The following FNDC3A variants were observed in gnomAD, a reference collection of about 807,000 sequenced individuals.
The protein encoded by FNDC3A is fibronectin type III domain containing 3A.
FNDC3A carries 32 observed loss-of-function variants against 148.9 expected under a neutral mutation model. The ratio of observed to expected loss-of-function variants is 0.21; its 90% confidence interval spans 0.16 to 0.29. The LOEUF is 0.29. FNDC3A is among the 10% of genes least tolerant of loss of function. The pLI, the probability that FNDC3A is intolerant of heterozygous loss-of-function variation, is 1.00. For missense variants in FNDC3A, 1,191 were observed against 1,452.8 expected (o/e 0.82, Z 2.93); for synonymous variants, 472 against 473.6 (o/e 1.00, Z 0.04).
At chr13:49,047,758 G>A (rs1250471380) in intron 2 of FNDC3A, among the ~76,000 whole-genome samples, 1 of 152,012 alleles carries the variant, frequency 6.6e-6, no homozygotes, top group Non-Finnish European at 1.5e-5. Context: ...CTAACTCTGT[G>A]GATTATTTCT....
intron 3 of FNDC3A, among the ~76,000 whole-genome samples, chr13:49,089,575 G>A (rs1406512648): frequency 6.6e-6 from 1 of 152,198 alleles, no homozygotes; most frequent in Non-Finnish European, 1.5e-5. Context: ...AGATGGAAAG[G>A]GCCACATGGC....
At chr13:49,093,052 A>G (rs1251251089) in intron 3 of FNDC3A, among the ~76,000 whole-genome samples, 1 of 152,162 alleles carries the variant, frequency 6.6e-6, no homozygotes, top group Non-Finnish European at 1.5e-5. Flanking sequence ...TTGATTTCTA[A>G]AGAATAATTT....
chr13:49,124,693 G>A (rs1333789147), intron 4 of FNDC3A, among the ~76,000 whole-genome samples: 1 of 152,122 alleles, frequency 6.6e-6, no homozygotes, highest in Non-Finnish European at 1.5e-5. Flanking sequence ...AGAAATTGGT[G>A]TACTGCACAG....
chr13:49,066,192 G>C (rs1334777235), intron 2 of FNDC3A, among the ~76,000 whole-genome samples: 1 of 152,074 alleles, frequency 6.6e-6, no homozygotes, highest in Non-Finnish European at 1.5e-5. Context: ...CTGTATTCCT[G>C]TATTCGTTTT....
chr13:49,064,336 G>A (rs185465954), intron 2 of FNDC3A, among the ~76,000 whole-genome samples: 96 of 149,738 alleles, frequency 6.4e-4, no homozygotes, highest in East Asian at 4.4e-3. Flanking sequence ...GCAAGACTCC[G>A]TCTCAAAAAA....
chr13:49,190,164 G>T (rs1365889756), intron 17 of FNDC3A, among the ~76,000 whole-genome samples: 1 of 152,168 alleles, frequency 6.6e-6, no homozygotes. Flanking sequence ...GGGATTACAG[G>T]TGTGAGCCAC....
At chr13:49,075,095 A>G (rs1275495835) in intron 2 of FNDC3A, among the ~76,000 whole-genome samples, 194 bp from the exon 3 acceptor site, 1 of 151,628 alleles carries the variant, frequency 6.6e-6, no homozygotes, top group African/African-American at 2.4e-5. Flanking sequence ...TATTCCCTTT[A>G]CTTTTGGCTT....
intron 8 of FNDC3A, among the ~76,000 whole-genome samples, chr13:49,166,176 T>C (rs1282411354): frequency 6.6e-6 from 1 of 152,232 alleles, no homozygotes; most frequent in African/African-American, 2.4e-5. Flanking sequence ...AACAGCTATA[T>C]GCAGGCTGCT....
intron 2 of FNDC3A, among the ~76,000 whole-genome samples, chr13:49,062,405 T>C (rs1295092663): frequency 6.6e-6 from 1 of 152,228 alleles, no homozygotes; most frequent in Non-Finnish European, 1.5e-5. Flanking sequence ...TTGAACTCTT[T>C]AGCCTACTAG....
intron 3 of FNDC3A, among the ~76,000 whole-genome samples, chr13:49,079,713 A>G (rs1467557504): frequency 6.6e-6 from 1 of 151,974 alleles, no homozygotes. Flanking sequence ...TTTCAAATAC[A>G]CTCCTGAGCT....
intron 5 of FNDC3A, among the ~76,000 whole-genome samples, chr13:49,135,203 A>G (rs1246419315): frequency 6.6e-6 from 1 of 151,748 alleles, no homozygotes. Flanking sequence ...TTCTTCACCC[A>G]TTTTTTAAAT....
At position 49,209,057 on chromosome 13, in the gene FNDC3A, T is replaced by A. The variant is rs1886779543; in HGVS notation, c.*1662T>A. 1 of 152,668 alleles carries A rather than the reference T, an allele frequency of 6.6e-6. No homozygotes were observed. The highest frequency in any genetic ancestry group is 1.5e-5 in the Non-Finnish European group (1 of 68,038). 9.5% of individuals were successfully genotyped at this position (152,668 alleles called of 1,614,324 possible). On this transcript the variant is annotated 3_prime_UTR_variant, in exon 26 of 26. Transcript: ENST00000492622. The stretch of plus-strand genomic sequence containing the variant: ...TGACCTGTCACTATAATATACTGTA[T>A]GTTTACATTTTATTTAAATTTAATC...
intron 2 of FNDC3A, among the ~76,000 whole-genome samples, chr13:49,048,065 C>T (rs1875550094): frequency 6.6e-6 from 1 of 152,096 alleles, no homozygotes; most frequent in East Asian, 1.9e-4. Context: ...CATTTCCCCA[C>T]TTTACATTTT....
chr13:49,123,759 T>C (rs1359079013), intron 4 of FNDC3A, among the ~76,000 whole-genome samples: 4 of 151,912 alleles, frequency 2.6e-5, no homozygotes, highest in Admixed American at 2.6e-4. Context: ...AGCTTATCAT[T>C]GGTCATTAGA....
intron 2 of FNDC3A, among the ~76,000 whole-genome samples, chr13:49,070,039 T>C (rs1566230012): frequency 6.6e-6 from 1 of 152,104 alleles, no homozygotes; most frequent in African/African-American, 2.4e-5. Context: ...CTAGGAAAAA[T>C]AGGAACTAGT....
At chr13:49,190,884 T>C in intron 17 of FNDC3A, 131 bp from the exon 18 acceptor site, 1 of 618,930 alleles carries the variant, frequency 1.6e-6, no homozygotes, top group Non-Finnish European at 2.8e-6. Context: ...TATTCCTTTT[T>C]TGTTGACAAT....
intron 3 of FNDC3A, among the ~76,000 whole-genome samples, chr13:49,078,439 T>C (rs760253087): frequency 5.9e-5 from 9 of 152,232 alleles, no homozygotes; most frequent in Non-Finnish European, 1.3e-4. Context: ...TGGATTCCTT[T>C]CTCTATATGA....
chr13:49,049,992 T>C (rs942334702), intron 2 of FNDC3A, among the ~76,000 whole-genome samples: 1 of 152,262 alleles, frequency 6.6e-6, no homozygotes, highest in African/African-American at 2.4e-5. Flanking sequence ...AGTGCTGAGA[T>C]TATAGGCGTG....
intron 4 of FNDC3A, 114 bp from the exon 5 acceptor site, chr13:49,131,023 C>T: frequency 2.6e-6 from 2 of 770,726 alleles, no homozygotes; most frequent in Non-Finnish European, 4.4e-6. Flanking sequence ...GCCTCAGCCT[C>T]CCAAAGTGCT....
Sources: gnomAD v4.1 joint callset for allele counts (sites outside exome capture counted in the v4.1 genomes callset) on GRCh38, gnomAD v4.1.1 for gene constraint, MANE v1.5 for transcripts, NCBI Gene and HGNC (gene_info 2026-07-23, HGNC 2026-07-21) for gene names.